Variants in SCAMP1 observed in about 807,000 individuals in gnomAD.
SCAMP1 encodes the protein secretory carrier-associated membrane protein 1.
A neutral mutation model predicts 41.8 loss-of-function variants in SCAMP1; 15 were observed. The observed-to-expected ratio is 0.36, with a 90% CI of 0.24 to 0.55. The LOEUF (loss-of-function observed/expected upper bound fraction) is 0.55. Among genes scored for constraint, SCAMP1 ranks in the 20% least tolerant of loss-of-function variants. The pLI is 0.86. For synonymous variants in SCAMP1, 135 were observed against 136.8 expected, an observed-to-expected ratio of 0.99 and a Z score of 0.09; for missense variants, 341 against 412.6, an observed-to-expected ratio of 0.83 and a Z score of 1.50.
intron 1 of SCAMP1, among the ~76,000 whole-genome samples, chr5:78,365,767 A>G (rs889152004): frequency 2.0e-5 from 3 of 152,214 alleles, no homozygotes; most frequent in Admixed American, 1.3e-4. Context: ...TTTGGCCTCA[A>G]AAATTAATTT....
chr5:78,389,925 TAGTA>T (rs1162895959), intron 2 of SCAMP1, among the ~76,000 whole-genome samples: 3 of 152,334 alleles, frequency 2.0e-5, no homozygotes, highest in African/African-American at 7.2e-5. Flanking sequence ...AAGCTGCTAA[TAGTA>T]AGTAAACTGT....
rs1017789048 is a variant in SCAMP1, at chr5:78,360,645, G to C, written c.-27G>C. ...TCGTCTCTCTCTCTGCGCCTGGGTC[G>C]GGTGGGTGACGCCGAGAGCCAGAGA... On this transcript the variant is annotated 5_prime_UTR_variant, in exon 1 of 9. Coordinates refer to ENST00000621999, the MANE Select transcript of SCAMP1 (RefSeq NM_004866.6). The C allele has an allele frequency of 1.3e-6, 2 of 1,599,176 alleles. No individual in the cohort carries two copies. Among genetic ancestry groups the C allele is most frequent in the Non-Finnish European group, 1.7e-6 (2 of 1,173,652 alleles).
intron 1 of SCAMP1, among the ~76,000 whole-genome samples, chr5:78,383,578 G>A (rs1751264066): frequency 6.6e-6 from 1 of 152,096 alleles, no homozygotes; most frequent in Admixed American, 6.5e-5. Flanking sequence ...TTAGATTTAG[G>A]TCTTTGATCC....
At chr5:78,432,864 CAT>C (rs1752657172) in intron 6 of SCAMP1, among the ~76,000 whole-genome samples, 1 of 151,824 alleles carries the variant, frequency 6.6e-6, no homozygotes. Flanking sequence ...ATTTTTATTA[CAT>C]ATGTGTTAGA....
intron 2 of SCAMP1, among the ~76,000 whole-genome samples, chr5:78,389,620 T>A (rs981432553): frequency 3.3e-5 from 5 of 152,240 alleles, no homozygotes; most frequent in African/African-American, 7.2e-5. Flanking sequence ...AAAATCCTCA[T>A]AAAACAGTGT....
At chr5:78,464,073 G>A (rs1753681392) in intron 8 of SCAMP1, among the ~76,000 whole-genome samples, 1 of 152,176 alleles carries the variant, frequency 6.6e-6, no homozygotes, top group African/African-American at 2.4e-5. Flanking sequence ...CGCCTCCCGG[G>A]TTCAAGCGAT....
At chr5:78,446,985 C>T (rs1396021028) in intron 6 of SCAMP1, among the ~76,000 whole-genome samples, 1 of 152,246 alleles carries the variant, frequency 6.6e-6, no homozygotes, top group Non-Finnish European at 1.5e-5. Context: ...TGAGCACCAG[C>T]TAGCGAGCAT....
At chr5:78,420,165 C>T (rs756857326) in intron 5 of SCAMP1, among the ~76,000 whole-genome samples, 22 of 152,284 alleles carry the variant, frequency 1.4e-4, no homozygotes, top group African/African-American at 4.3e-4. Context: ...AAGTGATTCT[C>T]GTGCCTCAGC....
chr5:78,403,022 C>T (rs1218223975), intron 2 of SCAMP1, among the ~76,000 whole-genome samples: 1 of 152,042 alleles, frequency 6.6e-6, no homozygotes, highest in Non-Finnish European at 1.5e-5. Flanking sequence ...AGGCACCTGC[C>T]ATCACACCTG....
chr5:78,468,920 G>A (rs1753807357), intron 8 of SCAMP1, among the ~76,000 whole-genome samples: 1 of 152,032 alleles, frequency 6.6e-6, no homozygotes, highest in Non-Finnish European at 1.5e-5. Flanking sequence ...CTATATGCAG[G>A]GGATTGGTTT....
At chr5:78,460,104 T>G (rs1308788974) in intron 8 of SCAMP1, among the ~76,000 whole-genome samples, 1 of 152,182 alleles carries the variant, frequency 6.6e-6, no homozygotes, top group Non-Finnish European at 1.5e-5. Flanking sequence ...TTAGGTGGTG[T>G]AGTATTTCGT....
chr5:78,465,389 G>A (rs1417000477), intron 8 of SCAMP1, among the ~76,000 whole-genome samples: 1 of 152,196 alleles, frequency 6.6e-6, no homozygotes, highest in East Asian at 1.9e-4. Context: ...CTCAGGTTTG[G>A]TGTCCTCAAC....
chr5:78,442,200 TG>T (rs1752941615), intron 6 of SCAMP1, among the ~76,000 whole-genome samples: 1 of 152,234 alleles, frequency 6.6e-6, no homozygotes, highest in Non-Finnish European at 1.5e-5. Context: ...AACTCAAACT[TG>T]TACTGTTTAG....
intron 2 of SCAMP1, among the ~76,000 whole-genome samples, chr5:78,393,462 G>A (rs974518385): frequency 1.3e-5 from 2 of 152,172 alleles, no homozygotes; most frequent in African/African-American, 2.4e-5. Flanking sequence ...GTGAGCTACA[G>A]TGCTTGGCCT....
intron 2 of SCAMP1, among the ~76,000 whole-genome samples, chr5:78,403,176 G>T (rs893100787): frequency 6.6e-6 from 1 of 151,944 alleles, no homozygotes; most frequent in Non-Finnish European, 1.5e-5. Context: ...CAGCCCTCTT[G>T]GTGAGTTTAA....
At chr5:78,439,272 T>C (rs758240064) in intron 6 of SCAMP1, among the ~76,000 whole-genome samples, 14 of 151,458 alleles carry the variant, frequency 9.2e-5, no homozygotes, top group East Asian at 5.8e-4. Flanking sequence ...GTTCGCTGGT[T>C]ATTTTGCCTG....
chr5:78,365,057 A>G (rs1477205670), intron 1 of SCAMP1, among the ~76,000 whole-genome samples: 1 of 152,216 alleles, frequency 6.6e-6, no homozygotes, highest in Non-Finnish European at 1.5e-5. Flanking sequence ...AAATAGGGTA[A>G]TAGTACATTC....
intron 7 of SCAMP1, among the ~76,000 whole-genome samples, chr5:78,453,977 GCT>G (rs1216694417): frequency 6.6e-6 from 1 of 151,934 alleles, no homozygotes; most frequent in African/African-American, 2.4e-5. Context: ...TCATGATTTG[GCT>G]CTCTGTCTGT....
chr5:78,382,643 C>T (rs1246911394), intron 1 of SCAMP1, among the ~76,000 whole-genome samples: 1 of 152,144 alleles, frequency 6.6e-6, no homozygotes, highest in African/African-American at 2.4e-5. Context: ...TAACTTAACT[C>T]CCACTTGTGA....
Sources: allele counts gnomAD v4.1 joint callset (sites outside exome capture counted in the v4.1 genomes callset), GRCh38; gene constraint gnomAD v4.1.1; transcripts MANE v1.5; gene names NCBI Gene and HGNC (gene_info 2026-07-23, HGNC 2026-07-21).